The following PLSCR2 variants were observed in gnomAD, a reference collection of about 807,000 sequenced individuals.
The protein encoded by PLSCR2 is PL scramblase 2.
A neutral mutation model predicts 25.3 loss-of-function variants in PLSCR2; 18 were observed. The ratio of observed to expected loss-of-function variants is 0.71; its 90% CI spans 0.49 to 1.06. The LOEUF is 1.06. Among genes scored for constraint, PLSCR2 ranks in the 50% least tolerant of loss-of-function variants. The pLI, the probability that PLSCR2 is intolerant of heterozygous loss-of-function variation, is 0.00. For synonymous variants in PLSCR2, 88 were observed against 87.3 expected, an observed-to-expected ratio of 1.01 and a Z score of -0.04; for missense variants, 243 against 269.5, an observed-to-expected ratio of 0.90 and a Z score of 0.69.
intron 2 of PLSCR2, among the ~76,000 whole-genome samples, chr3:146,401,944 C>G (rs2038485836): frequency 6.6e-6 from 1 of 151,648 alleles, no homozygotes; most frequent in African/African-American, 2.4e-5. Flanking sequence ...TGTACTTACA[C>G]TAAATTGAGG....
intron 1 of PLSCR2, among the ~76,000 whole-genome samples, chr3:146,475,903 T>C (rs1001658831): frequency 5.3e-5 from 8 of 152,142 alleles, no homozygotes; most frequent in Non-Finnish European, 8.8e-5. Flanking sequence ...CACATTTCCT[T>C]CTAAATTTTC....
At chr3:146,483,455 A>AACAT (rs2043214111) in intron 1 of PLSCR2, among the ~76,000 whole-genome samples, 1 of 53,120 alleles carries the variant, frequency 1.9e-5, no homozygotes, top group African/African-American at 8.5e-5. Flanking sequence ...ACATGTATGT[A>AACAT]TATATATATA....
chr3:146,426,423 A>G (rs548984057), intron 2 of PLSCR2, among the ~76,000 whole-genome samples: 10 of 152,254 alleles, frequency 6.6e-5, no homozygotes, highest in African/African-American at 2.4e-4. Flanking sequence ...GAGGAAGTCA[A>G]GATAGGCATT....
intron 1 of PLSCR2, among the ~76,000 whole-genome samples, chr3:146,489,287 C>A (rs140839700): frequency 1.8e-3 from 269 of 152,128 alleles, no homozygotes; most frequent in African/African-American, 6.3e-3. Flanking sequence ...TGTAACAAAC[C>A]TGCATGTCCT....
At chr3:146,481,122 T>G (rs2043114827) in intron 1 of PLSCR2, among the ~76,000 whole-genome samples, 1 of 151,812 alleles carries the variant, frequency 6.6e-6, no homozygotes, top group Non-Finnish European at 1.5e-5. Flanking sequence ...CCACAGCCAA[T>G]GTCATACTGA....
At chr3:146,439,601 C>G (rs978245907), downstream of PLSCR2, among the ~76,000 whole-genome samples, 4 of 152,078 alleles carry the variant, frequency 2.6e-5, no homozygotes, top group African/African-American at 9.7e-5. Context: ...AGTTCTTGTG[C>G]CATGGTTTTC....
At chr3:146,423,282 T>TATCTCTCTCTCTCTCC (rs2039222358) in intron 2 of PLSCR2, among the ~76,000 whole-genome samples, 1 of 100,962 alleles carries the variant, frequency 9.9e-6, no homozygotes, top group Non-Finnish European at 2.0e-5. Flanking sequence ...TCTCTCTCTC[T>TATCTCTCTCTCTCTCC]CCCTGGCTAG....
chr3:146,466,941 A>G (rs372805624), intron 1 of PLSCR2, among the ~76,000 whole-genome samples: 3 of 152,330 alleles, frequency 2.0e-5, no homozygotes, highest in South Asian at 2.1e-4. Flanking sequence ...TTGAATTTCA[A>G]TTTAGTCTCA....
Position 146,488,901 on chromosome 3 carries a change from A to C in PLSCR2, c.-293+6994T>G, listed in dbSNP as rs536621477. On this transcript the variant is annotated intron_variant, in intron 1 of 8. Coordinates refer to the PLSCR2 transcript ENST00000336685. Reference sequence around the variant, plus strand: ...ATTGCAGCACTATTCACAATAGCAAAGACATGGAATCAACCCAAATGCTCA... The same window carrying C: ...ATTGCAGCACTATTCACAATAGCAACGACATGGAATCAACCCAAATGCTCA... 2.0e-5 allele frequency among the ~76,000 whole-genome samples: 3 copies of C among 152,312 alleles called. No individual in the cohort carries two copies. The South Asian group carries it at 6.2e-4, about 32-fold the overall frequency.
exon 1 of PLSCR2, chr3:146,495,917 C>T (rs1365751970): frequency 7.8e-6 from 12 of 1,535,534 alleles, no homozygotes; most frequent in Non-Finnish European, 1.0e-5. Flanking sequence ...TTTGAAAAGG[C>T]TTCATTCTCC....
rs531098831 is a variant in PLSCR2, at chr3:146,487,878, C to G, written c.-293+8017G>C. 1.1e-4 allele frequency among the ~76,000 whole-genome samples: 16 copies of G among 152,060 alleles called. No individual in the cohort carries two copies. The South Asian group carries it at 3.1e-3, about 30-fold the overall frequency. On this transcript the variant is annotated intron_variant, in intron 1 of 8. Coordinates refer to the PLSCR2 transcript ENST00000336685. ...CCCTTATAGCCAAGACAATCCTAAG[C>G]AAAAAGAACAAAGCTGGAGGCATCA...
intron 2 of PLSCR2, among the ~76,000 whole-genome samples, chr3:146,411,907 C>G (rs764500784): frequency 6.6e-6 from 1 of 152,116 alleles, no homozygotes; most frequent in African/African-American, 2.4e-5. Context: ...ATCAATTAGA[C>G]GAATTCTTGG....
chr3:146,428,807 G>A (rs1039283956), downstream of PLSCR2, among the ~76,000 whole-genome samples: 1 of 152,142 alleles, frequency 6.6e-6, no homozygotes, highest in African/African-American at 2.4e-5. Flanking sequence ...GTTCTGAGAG[G>A]ATAATCAATA....
At chr3:146,413,912 T>A (rs919491353) in intron 2 of PLSCR2, among the ~76,000 whole-genome samples, 2 of 152,232 alleles carry the variant, frequency 1.3e-5, no homozygotes, top group Admixed American at 1.3e-4. Context: ...TCTTAGTCTG[T>A]TTGGTATTTC....
chr3:146,429,157 G>A (rs1002058970), downstream of PLSCR2, among the ~76,000 whole-genome samples: 1 of 152,206 alleles, frequency 6.6e-6, no homozygotes, highest in African/African-American at 2.4e-5. Flanking sequence ...ATGAAGCATA[G>A]TGCCAGCATC....
At chr3:146,491,010 C>A (rs970879140) in intron 1 of PLSCR2, among the ~76,000 whole-genome samples, 1 of 152,056 alleles carries the variant, frequency 6.6e-6, no homozygotes, top group African/African-American at 2.4e-5. Flanking sequence ...ATGTTTAGCA[C>A]TCCCTTAAAG....
chr3:146,486,696 A>C (rs1302159892), intron 1 of PLSCR2, among the ~76,000 whole-genome samples: 3 of 151,820 alleles, frequency 2.0e-5, no homozygotes, highest in African/African-American at 4.8e-5. Context: ...CCAAAAAAAA[A>C]CCCAGGACAA....
intron 1 of PLSCR2, among the ~76,000 whole-genome samples, chr3:146,480,366 A>G (rs1276868960): frequency 6.6e-6 from 1 of 152,204 alleles, no homozygotes; most frequent in African/African-American, 2.4e-5. Context: ...GAAAAGAGAG[A>G]AGAATCAAAC....
chr3:146,464,926 C>A (rs2041793989), upstream of PLSCR2, among the ~76,000 whole-genome samples: 1 of 152,150 alleles, frequency 6.6e-6, no homozygotes, highest in Non-Finnish European at 1.5e-5. Context: ...TATAGGAGGA[C>A]ATCCATTTGG....
Sources: allele counts gnomAD v4.1 joint callset (sites outside exome capture counted in the v4.1 genomes callset), GRCh38; gene constraint gnomAD v4.1.1; transcripts MANE v1.5; gene names NCBI Gene and HGNC (gene_info 2026-07-23, HGNC 2026-07-21).